Variants in ZSCAN23 observed in about 807,000 individuals in gnomAD.
ZSCAN23 encodes the protein zinc finger and SCAN domain-containing protein 23.
In ZSCAN23, 19 loss-of-function variants were observed where a neutral mutation model predicts 19.3. That is an observed-to-expected ratio of 0.99 (90% CI 0.69 to 1.45). The LOEUF is 1.45. Among genes scored for constraint, ZSCAN23 ranks in the 40% most tolerant of loss-of-function variants. ZSCAN23 has a pLI of 0.00. For synonymous variants in ZSCAN23, 140 were observed against 166.2 expected, an observed-to-expected ratio of 0.84 and a Z score of 1.21; for missense variants, 372 against 462.5, an observed-to-expected ratio of 0.80 and a Z score of 1.79.
rs752935411 is a variant in ZSCAN23, at chr6:28,435,879, GCT to G, written c.386_387del (p.Glu129AlafsTer3). ...AVTVLEDLER[E>X]LDDPGEQVLS... ...CTCACCTGCTCTCCTGGGTCATCCA[GCT>G]CTCTCTCCAAATCCTCCAGCACAGT... On this transcript the variant is annotated frameshift_variant, in exon 2 of 4. Coordinates refer to ENST00000289788, the MANE Select transcript of ZSCAN23 (RefSeq NM_001012455.2). LOFTEE classifies it high-confidence loss of function. The G allele has an allele frequency of 8.7e-6, 14 of 1,604,196 alleles. No homozygotes were observed. The highest frequency in any genetic ancestry group is 1.7e-5 in the Admixed American group (1 of 58,984).
At chr6:28,442,612 T>G (rs1387651271) in intron 1 of ZSCAN23, among the ~76,000 whole-genome samples, 1 of 152,190 alleles carries the variant, frequency 6.6e-6, no homozygotes, top group Non-Finnish European at 1.5e-5. Flanking sequence ...AGGACGGGAT[T>G]CAAATGAGCG....
intron 1 of ZSCAN23, among the ~76,000 whole-genome samples, chr6:28,438,159 C>G (rs1453736453): frequency 3.3e-5 from 5 of 152,028 alleles, no homozygotes; most frequent in African/African-American, 1.2e-4. Context: ...TACAGTGGCA[C>G]AATCTCAGCT....
intron 1 of ZSCAN23, among the ~76,000 whole-genome samples, chr6:28,440,033 T>C (rs575711686): frequency 2.6e-5 from 4 of 152,276 alleles, no homozygotes; most frequent in African/African-American, 9.6e-5. Flanking sequence ...TGCTATTTTA[T>C]AGAGTCAGGG....
chr6:28,426,034 C>T, the ZSCAN23 span, among the ~76,000 whole-genome samples: 17 of 152,170 alleles, frequency 1.1e-4, no homozygotes, highest in Non-Finnish European at 1.5e-5. Context: ...AAGTTAGGAC[C>T]CTGCTGTGGA....
At chr6:28,442,536 G>A (rs1216807376) in intron 1 of ZSCAN23, among the ~76,000 whole-genome samples, 1 of 152,134 alleles carries the variant, frequency 6.6e-6, no homozygotes, top group Admixed American at 6.5e-5. Context: ...AAAGATATAC[G>A]TCTTCAGATA....
At chr6:28,424,834 G>T in the ZSCAN23 span, among the ~76,000 whole-genome samples, 1 of 152,166 alleles carries the variant, frequency 6.6e-6, no homozygotes, top group African/African-American at 2.4e-5. Flanking sequence ...CATCCATGAG[G>T]ATGGGAATCA....
chr6:28,434,444 T>A lies in ZSCAN23; in HGVS notation c.*21A>T. 2 of 1,507,974 alleles carry A rather than the reference T, an allele frequency of 1.3e-6. No homozygotes were observed. Among genetic ancestry groups the A allele is most frequent in the Non-Finnish European group, 1.8e-6 (2 of 1,123,376 alleles). The allele number at this position is 1,507,974 out of a possible 1,614,324, so 93.4% of individuals were successfully genotyped here. On this transcript the variant is annotated 3_prime_UTR_variant, in exon 4 of 4. Coordinates refer to ENST00000289788, the MANE Select transcript of ZSCAN23 (RefSeq NM_001012455.2). ...AGCAGGGACAAAGTAAGAAATATTA[T>A]CCCCTACCTGTTCCAAGGAGCTAGC... is the stretch of plus-strand genomic sequence containing the variant.
intron 1 of ZSCAN23, among the ~76,000 whole-genome samples, chr6:28,442,853 A>C (rs1762028820): frequency 6.6e-6 from 1 of 152,202 alleles, no homozygotes; most frequent in Non-Finnish European, 1.5e-5. Context: ...ACATAATAAT[A>C]GTGTCTATCT....
intron 1 of ZSCAN23, among the ~76,000 whole-genome samples, chr6:28,442,165 T>C (rs1421315005): frequency 6.6e-6 from 1 of 152,088 alleles, no homozygotes; most frequent in Non-Finnish European, 1.5e-5. Context: ...GCATGAACCA[T>C]AGTGCCAGGC....
At chr6:28,427,808 G>A (rs766665686), downstream of ZSCAN23, among the ~76,000 whole-genome samples, 112 of 152,226 alleles carry the variant, frequency 7.4e-4, no homozygotes, top group Middle Eastern at 3.4e-3. Flanking sequence ...AGCTGGGCAC[G>A]GTGGCTCCAA....
At chr6:28,422,610 T>C in the ZSCAN23 span, among the ~76,000 whole-genome samples, 1 of 152,174 alleles carries the variant, frequency 6.6e-6, no homozygotes, top group Non-Finnish European at 1.5e-5. This position sits in a 1 kb window ranked among gnomAD's most constrained non-coding sequence, Gnocchi z 4.0. Context: ...AGAAAAACAT[T>C]CTCCTGTCTT....
chr6:28,428,939 T>C (rs1761703863), downstream of ZSCAN23, among the ~76,000 whole-genome samples: 1 of 152,210 alleles, frequency 6.6e-6, no homozygotes, highest in Non-Finnish European at 1.5e-5. Flanking sequence ...TTCCTCAGCA[T>C]ATTTCAGTTA....
chr6:28,434,887 T>C lies in ZSCAN23; in HGVS notation c.748A>G (p.Ile250Val). The change falls in exon 4 of 4, where the codon ATC becomes GTC. Residue 250 changes from isoleucine (I) to valine (V), a missense_variant. Coordinates refer to ENST00000289788, the MANE Select transcript of ZSCAN23 (RefSeq NM_001012455.2). ...RVSSSVERPY[I>V]CSECGKSFTQ... ...AAGCTTTTTCCACATTCACTACAGA[T>C]ATAGGGTCTCTCCACTGAAGAGCTC... 6.4e-7 allele frequency: 1 copy of C among 1,555,938 alleles called. No individual in the cohort carries two copies. The highest frequency in any genetic ancestry group is 8.7e-7 in the Non-Finnish European group (1 of 1,149,470).
chr6:28,421,733 T>C, the ZSCAN23 span, among the ~76,000 whole-genome samples: 22 of 152,166 alleles, frequency 1.4e-4, no homozygotes, highest in African/African-American at 5.1e-4. Flanking sequence ...TGTGCAACTC[T>C]ACAGGACAAA....
chr6:28,435,176 G>A (rs1761852668), intron 3 of ZSCAN23, 98 bp from the exon 4 acceptor site: 3 of 1,364,788 alleles, frequency 2.2e-6, no homozygotes, highest in Non-Finnish European at 2.9e-6. Context: ...AGAATGGGTG[G>A]AAGGGGACAA....
intron 2 of ZSCAN23, 80 bp from the exon 3 acceptor site, chr6:28,435,687 A>AACCAAGAAGCTGGC: frequency 6.8e-7 from 1 of 1,464,226 alleles, no homozygotes; most frequent in Non-Finnish European, 9.0e-7. Flanking sequence ...CGCTGGATAG[A>AACCAAGAAGCTGGC]AAAGAAGGAC....
At chr6:28,430,385 C>A (rs570446928), downstream of ZSCAN23, among the ~76,000 whole-genome samples, 43 of 152,234 alleles carry the variant, frequency 2.8e-4, no homozygotes, top group Middle Eastern at 3.4e-3. Context: ...AAACAACCAA[C>A]CAACCAACCA....
intron 1 of ZSCAN23, 100 bp from the exon 2 acceptor site, chr6:28,436,443 T>C (rs999980129): frequency 3.6e-6 from 2 of 561,606 alleles, no homozygotes; most frequent in East Asian, 3.0e-5. Flanking sequence ...CTCTGTCTCA[T>C]GAAGGAACAC....
In ZSCAN23 at chr6:28,434,531, C is replaced by A. The variant is rs1761829378; in HGVS notation, c.1104G>T (p.Lys368Asn). ...TTAGGTTGCAATGGTAAATGAAGTT[C>A]TTGCCACATTCTTCACATTCATAAG... ...ERPYECEECG[K>N]NFIYHCNLIQ... The change falls in exon 4 of 4, where the codon AAG (lysine) becomes AAT (asparagine). Residue 368 changes from lysine to asparagine, a missense_variant. Physicochemically the swap from Lys to Asn is moderately conservative, Grantham distance 94. Transcript: ENST00000289788. 1 of 1,552,616 alleles carries A rather than the reference C, an allele frequency of 6.4e-7. No individual in the cohort carries two copies. Among genetic ancestry groups the A allele is most frequent in the African/African-American group, 1.4e-5 (1 of 73,068 alleles).
Sources: allele counts gnomAD v4.1 joint callset (sites outside exome capture counted in the v4.1 genomes callset), GRCh38; gene constraint gnomAD v4.1.1; non-coding constraint Gnocchi (gnomAD v3.1); transcripts MANE v1.5; gene names NCBI Gene and HGNC (gene_info 2026-07-23, HGNC 2026-07-21).